PRKD3: variants seen among roughly 807,000 people sequenced by gnomAD.
The protein encoded by PRKD3 is serine/threonine-protein kinase D3.
PRKD3 carries 47 observed loss-of-function variants against 99.2 expected under a neutral mutation model. The observed-to-expected ratio is 0.47, with a 90% confidence interval of 0.38 to 0.60. PRKD3 has a LOEUF of 0.60. PRKD3 is among the 20% of genes least tolerant of loss of function. The pLI, the probability that PRKD3 is intolerant of heterozygous loss-of-function variation, is 0.00. For missense variants in PRKD3, 1,019 were observed against 1,088.4 expected, an observed-to-expected ratio of 0.94 and a Z score of 0.90; for synonymous variants, 392 against 355.4, an observed-to-expected ratio of 1.10 and a Z score of -1.16.
At chr2:37,256,035 A>G (rs2148478955) in intron 17 of PRKD3, among the ~76,000 whole-genome samples, 1 of 152,276 alleles carries the variant, frequency 6.6e-6, no homozygotes, top group East Asian at 1.9e-4. Flanking sequence ...AGATAATAAA[A>G]AAGCCCAAAT....
chr2:37,276,443 T>C (rs1669574069), intron 9 of PRKD3, among the ~76,000 whole-genome samples: 1 of 152,168 alleles, frequency 6.6e-6, no homozygotes, highest in Admixed American at 6.5e-5. Flanking sequence ...AGTTCTTATG[T>C]GTAAGAGTCA....
chr2:37,309,844 C>T (rs1432737866), intron 2 of PRKD3, among the ~76,000 whole-genome samples: 2 of 75,250 alleles, frequency 2.7e-5, no homozygotes, highest in Non-Finnish European at 4.8e-5. Context: ...GAGACTCCGT[C>T]TCAAAAAAAA....
intron 4 of PRKD3, 21 bp downstream of exon 4, chr2:37,290,847 C>T (rs1670383154): frequency 1.9e-6 from 3 of 1,559,486 alleles, no homozygotes; most frequent in African/African-American, 1.4e-5. Context: ...CAAATGACCA[C>T]AAAAATTTTA....
intron 11 of PRKD3, 90 bp from the exon 12 acceptor site, chr2:37,272,522 A>T: frequency 6.9e-7 from 1 of 1,457,312 alleles, no homozygotes; most frequent in African/African-American, 1.5e-5. Context: ...TCAAACTTTA[A>T]AAAGTTTAGC....
rs1671674133 is a variant in PRKD3 at position 37,316,623 on chromosome 2, T to C, written c.-99A>G. ...GCAGTAAAGAAAATGACCGCACTTT[T>C]GGATTTAGTTGAAAACTTCTTTATT... On this transcript the variant is annotated 5_prime_UTR_variant, in exon 2 of 19. Coordinates refer to ENST00000234179, the MANE Select transcript of PRKD3 (RefSeq NM_005813.6). The C allele has an allele frequency of 6.7e-7, 1 of 1,498,204 alleles. No individual in the cohort carries two copies. Among genetic ancestry groups the C allele is most frequent in the Non-Finnish European group, 8.8e-7 (1 of 1,130,740 alleles). 92.8% of individuals were successfully genotyped at this position (1,498,204 alleles called of 1,614,324 possible). A position where few individuals can be genotyped will look rare whatever the true frequency, so the allele number is the denominator to read the frequency against.
At chr2:37,254,446 A>G (rs1667772654) in intron 17 of PRKD3, among the ~76,000 whole-genome samples, 157 bp from the exon 18 acceptor site, 1 of 152,236 alleles carries the variant, frequency 6.6e-6, no homozygotes. Flanking sequence ...AAAATGAATC[A>G]TAAATGTTTA....
chr2:37,278,693 C>T (rs56059107), intron 8 of PRKD3: 20,309 of 152,272 alleles, frequency 0.13, 1,525 homozygotes, highest in South Asian at 0.26. Flanking sequence ...AATCCCACCA[C>T]TTTGGGAAGC....
Position 37,316,218 on chromosome 2 carries a change from A to G in PRKD3, c.288+19T>C. On this transcript the variant is annotated intron_variant, in intron 2 of 18. Coordinates refer to ENST00000234179, the MANE Select transcript of PRKD3 (RefSeq NM_005813.6). ...TCAGTAACAATATTATTTACTACTG[A>G]TAATAGCACACACAGTACCTTTTGA... The G allele has an allele frequency of 6.3e-7, 1 of 1,580,714 alleles. No homozygotes were observed. The highest frequency in any genetic ancestry group is 1.1e-5 in the South Asian group (1 of 89,580).
intron 8 of PRKD3, chr2:37,278,384 C>G (rs2372991): frequency 0.86 from 132,959 of 154,956 alleles, 57,556 homozygotes; most frequent in East Asian, 1. Context: ...CAAAATACAA[C>G]TATATATATA....
chr2:37,260,501 A>T, intron 14 of PRKD3, 117 bp from the exon 15 acceptor site: 1 of 920,566 alleles, frequency 1.1e-6, no homozygotes, highest in Non-Finnish European at 1.7e-6. Context: ...GAAGTAAACA[A>T]AGCAAACAAA....
chr2:37,260,426 A>T (rs1668329526), intron 14 of PRKD3, 42 bp from the exon 15 acceptor site: 1 of 1,541,846 alleles, frequency 6.5e-7, no homozygotes, highest in Non-Finnish European at 9.0e-7. Flanking sequence ...TTAAGCAGAG[A>T]AACAGTTTTA....
In PRKD3 at chr2:37,316,247, A is replaced by G; in HGVS notation, c.278T>C (p.Val93Ala). The G allele has an allele frequency of 6.2e-7, 1 of 1,611,948 alleles. No individual in the cohort carries two copies. Among genetic ancestry groups the G allele is most frequent in the Non-Finnish European group, 8.5e-7 (1 of 1,178,040 alleles). ...TAGCACACACAGTACCTTTTGATAAACTATGGAGCACACAAGATCCTTGAC... is the reference window on the plus strand; with the variant it reads ...TAGCACACACAGTACCTTTTGATAAGCTATGGAGCACACAAGATCCTTGAC... ...SAVKDLVCSI[V>A]YQKFPECGFF... Residue 93 changes from valine (V) to alanine (A), a missense_variant, in exon 2 of 19, where the codon GTT becomes GCT. Around this residue, in one of 3 missense-constraint regions of PRKD3, gnomAD observed 710 missense variants for 692.7 expected, o/e 1.02. Coordinates refer to ENST00000234179, the MANE Select transcript of PRKD3 (RefSeq NM_005813.6).
At chr2:37,304,020 A>C (rs1671050848) in intron 2 of PRKD3, among the ~76,000 whole-genome samples, 1 of 152,148 alleles carries the variant, frequency 6.6e-6, no homozygotes, top group Admixed American at 6.5e-5. Context: ...AGTTTCTTCA[A>C]ATGCATTTGT....
At chr2:37,290,206 T>C (rs1670334715) in intron 4 of PRKD3, among the ~76,000 whole-genome samples, 1 of 152,118 alleles carries the variant, frequency 6.6e-6, no homozygotes, top group Admixed American at 6.5e-5. Flanking sequence ...CAGAACAAAT[T>C]TGACAATTTA....
At chr2:37,295,158 G>A (rs1191544148) in intron 2 of PRKD3, among the ~76,000 whole-genome samples, 1 of 152,018 alleles carries the variant, frequency 6.6e-6, no homozygotes, top group Non-Finnish European at 1.5e-5. Context: ...TTGCATGTCC[G>A]GTAAGTGCAA....
intron 13 of PRKD3, chr2:37,268,230 A>G (rs1668974701): frequency 1.6e-5 from 7 of 447,080 alleles, no homozygotes; most frequent in South Asian, 9.9e-5. Flanking sequence ...ATTTGTCTCA[A>G]TGGCACAATC....
rs186960521 is a variant in PRKD3 at position 37,254,414 on chromosome 2, C to T, written c.2414-125G>A. 107 of 677,176 alleles carry T rather than the reference C, an allele frequency of 1.6e-4. 1 individual carries two copies. The highest frequency in any genetic ancestry group is 1.1e-3 in the East Asian group (41 of 37,868). 41.9% of individuals were successfully genotyped at this position (677,176 alleles called of 1,614,324 possible). On this transcript the variant is annotated intron_variant, in intron 17 of 18. Coordinates refer to ENST00000234179, the MANE Select transcript of PRKD3 (RefSeq NM_005813.6). ...TTGAGGAATTTTTGCTTCTCAAGGA[C>T]GTGGACTTTTAGCTAACATGTAAAA...
chr2:37,306,209 T>G (rs769132006), intron 2 of PRKD3, among the ~76,000 whole-genome samples: 1 of 152,096 alleles, frequency 6.6e-6, no homozygotes, highest in Non-Finnish European at 1.5e-5. Flanking sequence ...TCCCTTGTAA[T>G]CAGGCGTTAA....
chr2:37,322,032 TTC>T (rs1671906216), intron 1 of PRKD3, among the ~76,000 whole-genome samples: 1 of 151,408 alleles, frequency 6.6e-6, no homozygotes, highest in African/African-American at 2.4e-5. Context: ...GTAAAGAGTT[TTC>T]CAGGTTCAAC....
Sources: gnomAD v4.1 joint callset for allele counts (sites outside exome capture counted in the v4.1 genomes callset) on GRCh38, gnomAD v4.1.1 for gene constraint, gnomAD v4.1.1 regional missense constraint, MANE v1.5 for transcripts, NCBI Gene and HGNC (gene_info 2026-07-23, HGNC 2026-07-21) for gene names.